The following NCEH1 variants were observed in gnomAD, a reference collection of about 807,000 sequenced individuals.
NCEH1 encodes the protein neutral cholesterol ester hydrolase 1.
In NCEH1, 9 loss-of-function variants were observed where a neutral mutation model predicts 25.4. That is an observed-to-expected ratio of 0.35 (90% CI 0.21 to 0.62). The LOEUF (loss-of-function observed/expected upper bound fraction) is 0.62, where lower values mean the gene tolerates loss of function less well. Ranked by LOEUF, NCEH1 falls within the 20% of genes least tolerant of loss-of-function variation. The probability of loss-of-function intolerance (pLI) is 0.72; values close to 1 mark genes in which losing one functional copy is unlikely to be tolerated. For missense variants in NCEH1, 412 were observed against 501.1 expected, an observed-to-expected ratio of 0.82 and a Z score of 1.70; for synonymous variants, 200 against 199.8, an observed-to-expected ratio of 1.00 and a Z score of -0.01.
intron 1 of NCEH1, among the ~76,000 whole-genome samples, chr3:172,669,238 C>A (rs183611738): frequency 6.6e-6 from 1 of 152,262 alleles, no homozygotes; most frequent in Non-Finnish European, 1.5e-5. Context: ...CAGGGCAACA[C>A]GCCAGCTACA....
chr3:172,682,481 T>C (rs1189811907), intron 1 of NCEH1, among the ~76,000 whole-genome samples: 1 of 152,198 alleles, frequency 6.6e-6, no homozygotes, highest in Non-Finnish European at 1.5e-5. Context: ...TGCCACCACC[T>C]GAGACATTCC....
chr3:172,688,049 T>A (rs941261101), intron 1 of NCEH1, among the ~76,000 whole-genome samples: 4 of 150,600 alleles, frequency 2.7e-5, no homozygotes, highest in Non-Finnish European at 4.4e-5. Context: ...AAAATGGACA[T>A]GGAGGCCGTG....
chr3:172,710,903 A>G lies in NCEH1; in HGVS notation c.82T>C (p.Ser28Pro), dbSNP rs771829165. Reference protein sequence around the residue: ...YVYIPLPGSVSDPWKLMLLDA... With the variant: ...YVYIPLPGSVPDPWKLMLLDA... ...AGCAGCATCAGCTTCCAGGGGTCGG[A>G]CACGGAGCCAGGCAGCGGGATGTAG... The change falls in exon 1 of 5, where the codon TCC (serine) becomes CCC (proline). Residue 28 changes from serine (S) to proline (P), a missense_variant. Transcript: ENST00000475381. The G allele has an allele frequency of 6.2e-7, 1 of 1,614,012 alleles. No individual in the cohort carries two copies. The highest frequency in any genetic ancestry group is 1.3e-5 in the African/African-American group (1 of 74,958).
intron 1 of NCEH1, among the ~76,000 whole-genome samples, chr3:172,693,593 TGA>T (rs984338569): frequency 6.6e-6 from 1 of 152,248 alleles, no homozygotes; most frequent in African/African-American, 2.4e-5. Flanking sequence ...AAATATGCTT[TGA>T]GAGAGACAGA....
chr3:172,640,505 T>TTTTA (rs1211047714), intron 3 of NCEH1, among the ~76,000 whole-genome samples: 11 of 151,296 alleles, frequency 7.3e-5, no homozygotes, highest in South Asian at 2.1e-4. Flanking sequence ...TATTTATTTA[T>TTTTA]TTTATTTATT....
chr3:172,642,663 G>C (rs1296760496), intron 3 of NCEH1, among the ~76,000 whole-genome samples: 1 of 148,894 alleles, frequency 6.7e-6, no homozygotes, highest in Non-Finnish European at 1.5e-5. Context: ...CAAACATGCT[G>C]ATAAATAAAC....
At chr3:172,657,272 C>G (rs1022087975) in intron 1 of NCEH1, among the ~76,000 whole-genome samples, 1 of 152,164 alleles carries the variant, frequency 6.6e-6, no homozygotes, top group African/African-American at 2.4e-5. Context: ...TCTCAAGCTT[C>G]CATACATATT....
chr3:172,650,811 CGAAAA>C (rs1458369627), intron 1 of NCEH1, among the ~76,000 whole-genome samples: 216 of 89,978 alleles, frequency 2.4e-3, no homozygotes, highest in African/African-American at 5.2e-3. Context: ...GACTCTGCCT[CGAAAA>C]AAAAAAAAAA....
At chr3:172,667,889 C>G (rs1718299184) in intron 1 of NCEH1, among the ~76,000 whole-genome samples, 2 of 152,194 alleles carry the variant, frequency 1.3e-5, no homozygotes, top group African/African-American at 4.8e-5. Flanking sequence ...TTTTAGCAAT[C>G]ATATTGGGCA....
chr3:172,654,846 C>A (rs1188300887), intron 1 of NCEH1, among the ~76,000 whole-genome samples: 1 of 152,166 alleles, frequency 6.6e-6, no homozygotes, highest in African/African-American at 2.4e-5. Context: ...CTTTTTAATT[C>A]TCTTTATATT....
chr3:172,676,774 T>C (rs1712031585), intron 1 of NCEH1, among the ~76,000 whole-genome samples: 2 of 152,204 alleles, frequency 1.3e-5, no homozygotes, highest in African/African-American at 4.8e-5. Context: ...CGGAGCCATG[T>C]CATTTACACC....
At chr3:172,655,734 A>C (rs1490188107) in intron 1 of NCEH1, among the ~76,000 whole-genome samples, 1 of 152,256 alleles carries the variant, frequency 6.6e-6, no homozygotes, top group Non-Finnish European at 1.5e-5. Context: ...ATCAAAGCAC[A>C]GCGCTGAGCA....
chr3:172,639,376 A>G (rs1216683250), intron 3 of NCEH1, among the ~76,000 whole-genome samples: 1 of 152,140 alleles, frequency 6.6e-6, no homozygotes, highest in Non-Finnish European at 1.5e-5. Flanking sequence ...ACCTGGCATA[A>G]GATGAACTTT....
intron 3 of NCEH1, among the ~76,000 whole-genome samples, chr3:172,640,485 C>T (rs1222779100): frequency 6.6e-6 from 1 of 152,034 alleles, no homozygotes; most frequent in Non-Finnish European, 1.5e-5. Flanking sequence ...CCTTTCTTCC[C>T]TGCCCCCTTT....
At chr3:172,676,190 G>C (rs1384998221) in intron 1 of NCEH1, among the ~76,000 whole-genome samples, 1 of 152,162 alleles carries the variant, frequency 6.6e-6, no homozygotes, top group Non-Finnish European at 1.5e-5. Flanking sequence ...CAGAGAGAGA[G>C]GCTAAAAGGA....
intron 1 of NCEH1, 116 bp downstream of exon 1, chr3:172,710,731 C>T: frequency 2.6e-6 from 3 of 1,154,090 alleles, no homozygotes; most frequent in Admixed American, 4.6e-5. Context: ...AAAGCGACAG[C>T]CTCAATGCAT....
chr3:172,697,843 T>A (rs772166832), intron 1 of NCEH1, among the ~76,000 whole-genome samples: 1 of 152,218 alleles, frequency 6.6e-6, no homozygotes, highest in African/African-American at 2.4e-5. Flanking sequence ...TCCTTTCCTA[T>A]AAAATGAGAG....
chr3:172,638,971 A>G (rs1218526133), intron 3 of NCEH1, among the ~76,000 whole-genome samples: 3 of 152,180 alleles, frequency 2.0e-5, no homozygotes, highest in Admixed American at 6.5e-5. Context: ...TGCTGGAAAC[A>G]TTCTTCAGTT....
At chr3:172,709,310 C>G (rs1446552365) in intron 1 of NCEH1, among the ~76,000 whole-genome samples, 7 of 152,210 alleles carry the variant, frequency 4.6e-5, no homozygotes. Flanking sequence ...CTGTTTTCCT[C>G]TGTTTAAGTT....
Sources: allele counts gnomAD v4.1 joint callset (sites outside exome capture counted in the v4.1 genomes callset), GRCh38; gene constraint gnomAD v4.1.1; transcripts MANE v1.5; gene names NCBI Gene and HGNC (gene_info 2026-07-23, HGNC 2026-07-21).